METTL15: variants seen among roughly 807,000 people sequenced by gnomAD.
METTL15 encodes the protein 12S rRNA N(4)-cytidine methyltransferase METTL15.
A neutral mutation model predicts 38.3 loss-of-function variants in METTL15; 34 were observed. That is an observed-to-expected ratio of 0.89 (90% CI 0.68 to 1.18). The LOEUF is 1.18. METTL15 is among the 50% of genes most tolerant of loss of function. The pLI is 0.00. For missense variants in METTL15, 438 were observed against 498.4 expected (o/e 0.88, Z 1.15); for synonymous variants, 162 against 170.9 (o/e 0.95, Z 0.41).
chr11:28,261,992 T>A (rs950306235), intron 4 of METTL15, among the ~76,000 whole-genome samples: 1 of 152,268 alleles, frequency 6.6e-6, no homozygotes, highest in Non-Finnish European at 1.5e-5. Flanking sequence ...AACTAATCAT[T>A]GGCAGAGCCA....
chr11:28,511,279 T>C (rs898800615), intron 6 of METTL15, among the ~76,000 whole-genome samples: 1 of 152,200 alleles, frequency 6.6e-6, no homozygotes, highest in African/African-American at 2.4e-5. Context: ...GAAGTCTTAT[T>C]GATAACATAA....
At chr11:28,250,882 A>G (rs889709175) in intron 4 of METTL15, among the ~76,000 whole-genome samples, 6 of 151,990 alleles carry the variant, frequency 3.9e-5, no homozygotes, top group Non-Finnish European at 8.8e-5. Context: ...TGTCAATTTG[A>G]GCCCTTTTTT....
intron 5 of METTL15, among the ~76,000 whole-genome samples, chr11:28,374,137 A>T (rs188431366): frequency 5.3e-5 from 8 of 152,022 alleles, no homozygotes; most frequent in African/African-American, 1.2e-4. Flanking sequence ...TAGGATTGAC[A>T]TGGCGATGCG....
chr11:28,243,720 A>T (rs1237415861), intron 4 of METTL15, among the ~76,000 whole-genome samples: 1 of 152,176 alleles, frequency 6.6e-6, no homozygotes. Flanking sequence ...ACTCATCTTA[A>T]CTATGCAAAT....
intron 3 of METTL15, among the ~76,000 whole-genome samples, chr11:28,174,933 T>C (rs1039273686): frequency 2.3e-5 from 3 of 129,930 alleles, no homozygotes; most frequent in African/African-American, 7.7e-5. Context: ...TTAAATTTAC[T>C]TTATTTTTAT....
At chr11:28,227,508 T>C (rs538583920) in intron 4 of METTL15, among the ~76,000 whole-genome samples, 3 of 151,708 alleles carry the variant, frequency 2.0e-5, no homozygotes, top group Admixed American at 6.6e-5. Flanking sequence ...AGAGAGAGAA[T>C]TGAAGTGTTG....
intron 4 of METTL15, among the ~76,000 whole-genome samples, chr11:28,219,959 C>T (rs1230642567): frequency 1.3e-5 from 2 of 152,102 alleles, no homozygotes; most frequent in African/African-American, 4.8e-5. Flanking sequence ...TTAACATTTG[C>T]TGATGAGTGC....
At position 28,468,498 on chromosome 11, in the gene METTL15, G is replaced by C. The variant is rs149882462; in HGVS notation, c.*424+44134G>C. Among the ~76,000 whole-genome samples, 522 of 152,262 alleles carry C rather than the reference G, an allele frequency of 3.4e-3. 1 individual carries two copies. Among genetic ancestry groups the C allele is most frequent in the African/African-American group, 0.012 (511 of 41,546 alleles). ...TACATTTTGATATAATATTGTTTTA[G>C]TCTAGTGCATGTCTTTTTAAGAGAC... On this transcript the variant is annotated intron_variant and NMD_transcript_variant, in intron 6 of 7. Coordinates refer to the METTL15 transcript ENST00000532947.
At chr11:28,429,060 C>T (rs1850889083) in intron 6 of METTL15, among the ~76,000 whole-genome samples, 1 of 152,176 alleles carries the variant, frequency 6.6e-6, no homozygotes, top group Non-Finnish European at 1.5e-5. Context: ...CTCTCTCCTA[C>T]ATGGTAACCA....
chr11:28,374,262 G>A (rs559751452), intron 5 of METTL15, among the ~76,000 whole-genome samples: 102 of 152,140 alleles, frequency 6.7e-4, no homozygotes, highest in Non-Finnish European at 1.2e-3. Flanking sequence ...GGGCAGTATG[G>A]CCATTTTCAG....
chr11:28,517,872 C>T (rs1851732399), intron 6 of METTL15, among the ~76,000 whole-genome samples: 1 of 152,216 alleles, frequency 6.6e-6, no homozygotes, highest in African/African-American at 2.4e-5. Context: ...TTCTGCCTAC[C>T]TTCAAAGGAC....
chr11:28,392,650 A>G (rs568696745), intron 5 of METTL15, among the ~76,000 whole-genome samples: 4 of 152,166 alleles, frequency 2.6e-5, no homozygotes, highest in African/African-American at 7.2e-5. Flanking sequence ...GCAAAAGCAG[A>G]CAAATGGTAC....
chr11:28,146,573 T>C (rs915678099), intron 3 of METTL15, among the ~76,000 whole-genome samples: 22 of 152,132 alleles, frequency 1.4e-4, no homozygotes, highest in African/African-American at 4.6e-4. Flanking sequence ...TAGAATCCTG[T>C]AATGAACCCT....
chr11:28,258,057 T>C (rs1319860583), intron 4 of METTL15, among the ~76,000 whole-genome samples: 3 of 152,200 alleles, frequency 2.0e-5, no homozygotes, highest in Non-Finnish European at 4.4e-5. Flanking sequence ...TGAACAGACT[T>C]GGAAGTTGTG....
intron 4 of METTL15, among the ~76,000 whole-genome samples, chr11:28,218,764 A>C (rs986463086): frequency 3.9e-5 from 6 of 152,218 alleles, no homozygotes; most frequent in Non-Finnish European, 5.9e-5. Flanking sequence ...AGTTTTTAGC[A>C]TGCAGGGCTG....
intron 3 of METTL15, among the ~76,000 whole-genome samples, chr11:28,114,268 C>A (rs1051823830): frequency 2.0e-5 from 3 of 152,082 alleles, no homozygotes; most frequent in Non-Finnish European, 4.4e-5. Flanking sequence ...TTTTACTCAG[C>A]ATGTTTTCAG....
At chr11:28,526,280 C>T (rs1284004065) in intron 6 of METTL15, among the ~76,000 whole-genome samples, 3 of 152,218 alleles carry the variant, frequency 2.0e-5, no homozygotes, top group Non-Finnish European at 4.4e-5. Flanking sequence ...CCAGAGCTGA[C>T]GCCGAGGCCG....
chr11:28,222,268 C>T (rs1853269646), intron 4 of METTL15, among the ~76,000 whole-genome samples: 1 of 152,206 alleles, frequency 6.6e-6, no homozygotes, highest in Admixed American at 6.5e-5. Flanking sequence ...GCCCCTCCCC[C>T]AGCCTGGCTG....
chr11:28,463,101 T>C (rs941983213), intron 6 of METTL15, among the ~76,000 whole-genome samples: 1 of 152,144 alleles, frequency 6.6e-6, no homozygotes, highest in East Asian at 1.9e-4. Flanking sequence ...GCTAGACATA[T>C]ATTTAGGGTG....
Sources: gnomAD v4.1 joint callset for allele counts (sites outside exome capture counted in the v4.1 genomes callset) on GRCh38, gnomAD v4.1.1 for gene constraint, MANE v1.5 for transcripts, NCBI Gene and HGNC (gene_info 2026-07-23, HGNC 2026-07-21) for gene names.